Variants in ITK observed in about 807,000 individuals in gnomAD.
ITK encodes IL2 inducible T cell kinase, also known as tyrosine-protein kinase ITK/TSK.
Under a neutral mutation model 87.6 loss-of-function variants are expected in ITK, and 45 were observed. The observed-to-expected ratio is 0.51, with a 90% CI of 0.40 to 0.66. ITK has a LOEUF of 0.66. Ranked by LOEUF, ITK falls within the 30% of genes least tolerant of loss-of-function variation. The probability of loss-of-function intolerance (pLI) is 0.00; values close to 1 mark genes in which losing one functional copy is unlikely to be tolerated. For missense variants in ITK, 605 were observed against 766.3 expected (o/e 0.79, Z 2.48); for synonymous variants, 303 against 273.6 (o/e 1.11, Z -1.06).
At chr5:157,248,725 G>T (rs1755070625) in intron 15 of ITK, 125 bp from the exon 16 acceptor site, 1 of 1,075,576 alleles carries the variant, frequency 9.3e-7, no homozygotes, top group Non-Finnish European at 1.4e-6. Context: ...AGGTAGACTT[G>T]ATGCACTTCT....
chr5:157,216,304 T>A (rs1399089299), intron 4 of ITK, among the ~76,000 whole-genome samples: 6 of 152,078 alleles, frequency 3.9e-5, no homozygotes, highest in Non-Finnish European at 8.8e-5. Flanking sequence ...CTTTGGATAA[T>A]CCCTCTGAGC....
chr5:157,221,920 G>A (rs1754425902), intron 5 of ITK, among the ~76,000 whole-genome samples: 1 of 152,046 alleles, frequency 6.6e-6, no homozygotes, highest in Non-Finnish European at 1.5e-5. Context: ...GGAGGCCGAG[G>A]CAGGAGGGTC....
At chr5:157,234,542 A>G (rs1352143090) in intron 8 of ITK, among the ~76,000 whole-genome samples, 2 of 152,218 alleles carry the variant, frequency 1.3e-5, no homozygotes, top group African/African-American at 4.8e-5. Context: ...TCCATGGCGT[A>G]TATGTGCCAC....
chr5:157,190,614 G>C (rs1753734542), intron 1 of ITK, among the ~76,000 whole-genome samples: 1 of 152,244 alleles, frequency 6.6e-6, no homozygotes, highest in African/African-American at 2.4e-5. Context: ...GATAGAGAAT[G>C]TGGTAGGTTC....
At chr5:157,248,404 T>A (rs1755063988) in intron 15 of ITK, among the ~76,000 whole-genome samples, 1 of 152,284 alleles carries the variant, frequency 6.6e-6, no homozygotes, top group South Asian at 2.1e-4. Flanking sequence ...ACGTCTTTTT[T>A]AAAAAAATCA....
chr5:157,185,462 G>A (rs1259698107), intron 1 of ITK, among the ~76,000 whole-genome samples: 1 of 151,890 alleles, frequency 6.6e-6, no homozygotes, highest in Admixed American at 6.6e-5. Context: ...AGCTGGTCTC[G>A]AACTCCTGAC....
intron 15 of ITK, among the ~76,000 whole-genome samples, chr5:157,246,219 A>C (rs185711495): frequency 6.6e-6 from 1 of 152,342 alleles, no homozygotes; most frequent in East Asian, 1.9e-4. Context: ...AGTTAATTAA[A>C]AGTGGAAACA....
chr5:157,208,005 C>T (rs923604525), intron 1 of ITK, among the ~76,000 whole-genome samples: 2 of 152,072 alleles, frequency 1.3e-5, no homozygotes, highest in Admixed American at 6.6e-5. Context: ...GGTATAATGA[C>T]GTATTTTGCA....
chr5:157,189,890 G>A (rs1264045277), intron 1 of ITK, among the ~76,000 whole-genome samples: 2 of 152,112 alleles, frequency 1.3e-5, no homozygotes, highest in East Asian at 3.8e-4. Flanking sequence ...ATTCATCAGT[G>A]AATTATGAGG....
intron 9 of ITK, among the ~76,000 whole-genome samples, chr5:157,239,812 T>TG (rs1275144324): frequency 5.3e-5 from 8 of 152,186 alleles, no homozygotes; most frequent in Admixed American, 3.9e-4. Flanking sequence ...TTTGTGGCAA[T>TG]GGAAGAACCA....
intron 11 of ITK, among the ~76,000 whole-genome samples, chr5:157,242,313 T>C (rs1409563440): frequency 6.6e-6 from 1 of 152,216 alleles, no homozygotes; most frequent in Non-Finnish European, 1.5e-5. Flanking sequence ...CCCAACTGTG[T>C]GCTGCCTGTG....
chr5:157,252,284 T>A (rs189780148), intron 16 of ITK, among the ~76,000 whole-genome samples: 110 of 152,370 alleles, frequency 7.2e-4, no homozygotes, highest in African/African-American at 2.6e-3. Context: ...TATATGTGAT[T>A]TATTGAATTC....
chr5:157,208,442 G>C (rs1267894366), intron 1 of ITK, among the ~76,000 whole-genome samples: 1 of 151,986 alleles, frequency 6.6e-6, no homozygotes, highest in Admixed American at 6.5e-5. Flanking sequence ...GGAGAAGCCA[G>C]AGGCAGAAAA....
intron 3 of ITK, chr5:157,213,810 A>C: frequency 2.8e-6 from 1 of 356,314 alleles, no homozygotes; most frequent in Middle Eastern, 9.7e-4. Context: ...AAGGTAGGAG[A>C]GGTGGGGGGT....
At chr5:157,224,740 C>T (rs1357171517) in intron 6 of ITK, among the ~76,000 whole-genome samples, 1 of 152,116 alleles carries the variant, frequency 6.6e-6, no homozygotes, top group East Asian at 1.9e-4. Context: ...AAGCTCACAC[C>T]ACTGCACTCC....
chr5:157,209,148 A>G (rs960176321), intron 2 of ITK, among the ~76,000 whole-genome samples, 155 bp downstream of exon 2: 1 of 152,082 alleles, frequency 6.6e-6, no homozygotes, highest in Non-Finnish European at 1.5e-5. Context: ...AGCCTGGCCA[A>G]CATGAAACCC....
chr5:157,181,138 C>CT, intron 1 of ITK, 23 bp downstream of exon 1: 1 of 1,613,556 alleles, frequency 6.2e-7, no homozygotes, highest in Non-Finnish European at 8.5e-7. Context: ...TTTCATTTGT[C>CT]TTTTTTCGCA....
intron 4 of ITK, among the ~76,000 whole-genome samples, chr5:157,215,904 G>A (rs1169743829): frequency 1.3e-5 from 2 of 152,150 alleles, no homozygotes; most frequent in African/African-American, 2.4e-5. Context: ...CCTCCTCCAA[G>A]TGATACACAT....
rs2113766921 is a variant in ITK, at chr5:157,232,349, T to C, written c.723T>C (p.Asn241=). ...PNNLETYEWY[N]KSISRDKAEK... ...TTTTCCTTGCTTTCAGGTGGTACAA[T>C]AAGAGTATCAGCCGAGACAAAGCTG... Residue 241 remains asparagine, a synonymous_variant, in exon 8 of 17, where the codon AAT becomes AAC. Transcript: ENST00000422843. The C allele has an allele frequency of 6.2e-7, 1 of 1,610,304 alleles. No homozygotes were observed. Among genetic ancestry groups the C allele is most frequent in the South Asian group, 1.1e-5 (1 of 90,940 alleles).
Sources: gnomAD v4.1 joint callset for allele counts (sites outside exome capture counted in the v4.1 genomes callset) on GRCh38, gnomAD v4.1.1 for gene constraint, MANE v1.5 for transcripts, NCBI Gene and HGNC (gene_info 2026-07-23, HGNC 2026-07-21) for gene names.